Variants in PACSIN3 observed in about 807,000 individuals in gnomAD.
PACSIN3 encodes protein kinase C and casein kinase substrate in neurons protein 3.
A neutral mutation model predicts 56.1 loss-of-function variants in PACSIN3; 34 were observed. The observed-to-expected ratio is 0.61, with a 90% confidence interval of 0.46 to 0.81. The LOEUF is 0.81. PACSIN3 is among the 30% of genes least tolerant of loss of function. The pLI is 0.00. For missense variants in PACSIN3, 535 were observed against 592.4 expected (o/e 0.90, Z 1.01); for synonymous variants, 218 against 229.8 (o/e 0.95, Z 0.46).
rs1020429247 is a variant in PACSIN3, at chr11:47,177,942, C to A, written c.1264G>T (p.Val422Leu). 1 of 1,613,504 alleles carries A rather than the reference C, an allele frequency of 6.2e-7. No homozygotes were observed. Among genetic ancestry groups the A allele is most frequent in the African/African-American group, 1.3e-5 (1 of 74,928 alleles). Residue 422 changes from valine (V) to leucine (L), a missense_variant, in exon 11 of 11, where the codon GTG (valine) becomes TTG (leucine). Transcript: ENST00000298838. ...GLYPANYVEC[V>L]GA ...GGCTGTCAGGACACTCAGGCGCCCA[C>A]ACACTCCACGTAGTTGGCAGGGTAC...
At chr11:47,180,805 G>T (rs1953009075) in intron 4 of PACSIN3, 115 bp from the exon 5 acceptor site, 1 of 737,810 alleles carries the variant, frequency 1.4e-6, no homozygotes, top group Non-Finnish European at 2.2e-6. Flanking sequence ...GTGCAAAGGT[G>T]AATGACAACC....
Position 47,179,628 on chromosome 11 carries a change from T to G in PACSIN3, c.604-42A>C. ...GGGCCTGGTGAGAACCAGACCTTCT[T>G]CCACCCAGGACTCCACCAGTGTTTA... is the stretch of plus-strand genomic sequence containing the variant. On this transcript the variant is annotated intron_variant, in intron 6 of 10. Coordinates refer to ENST00000298838, the MANE Select transcript of PACSIN3 (RefSeq NM_016223.5). This position sits in a 1 kb window ranked among gnomAD's most constrained non-coding sequence, Gnocchi z 4.4. The G allele has an allele frequency of 1.3e-6, 2 of 1,591,036 alleles. No individual in the cohort carries two copies. Among genetic ancestry groups the G allele is most frequent in the Non-Finnish European group, 1.7e-6 (2 of 1,168,870 alleles).
Position 47,179,773 on chromosome 11 carries a change from G to A in PACSIN3, c.604-187C>T, listed in dbSNP as rs1374413558. On this transcript the variant is annotated intron_variant, in intron 6 of 10. Transcript: ENST00000298838. The surrounding 1 kb of genome is among the most constrained non-coding windows in gnomAD (Gnocchi z 4.4). ...AACAAGGGAGGTGACATCAGGCACA[G>A]CATATAAAAGAGTCTGGTGAGGATT... 2 of 597,552 alleles carry A rather than the reference G, an allele frequency of 3.3e-6. No individual in the cohort carries two copies. The highest frequency in any genetic ancestry group is 6.0e-5 in the Admixed American group (2 of 33,266). 37.0% of individuals were successfully genotyped at this position (597,552 alleles called of 1,614,324 possible).
chr11:47,180,450 C>T lies in PACSIN3; in HGVS notation c.447+5G>A, dbSNP rs1417634109. On this transcript the variant is annotated splice_donor_5th_base_variant and intron_variant, in intron 5 of 10. Coordinates refer to ENST00000298838, the MANE Select transcript of PACSIN3 (RefSeq NM_016223.5). ...GTCTCGGATACCTCCCCCACCCAGC[C>T]TCACCTCCTTCAGCCTCTTCAGCCA... The T allele has an allele frequency of 1.3e-6, 2 of 1,596,028 alleles. No individual in the cohort carries two copies. The highest frequency in any genetic ancestry group is 1.3e-5 in the African/African-American group (1 of 74,710).
chr11:47,180,240 C>G lies in PACSIN3; in HGVS notation c.549G>C (p.Glu183Asp). ...CCCGTTCCTGCAGTTTGCGCAGCTG[C>G]TCCTGGGAGACGGCGCTGTCTGCCT... ...HAKADSAVSQEQLRKLQERVE... is the reference protein window; with the variant it reads ...HAKADSAVSQDQLRKLQERVE... The change falls in exon 6 of 11, where the codon GAG (glutamate) becomes GAC (aspartate). Residue 183 changes from glutamate to aspartate, a missense_variant. Glu to Asp is a conservative substitution (Grantham distance 45). Transcript: ENST00000298838. 1 of 1,603,880 alleles carries G rather than the reference C, an allele frequency of 6.2e-7. No individual in the cohort carries two copies.
intron 4 of PACSIN3, among the ~76,000 whole-genome samples, chr11:47,181,440 G>A (rs1052509426): frequency 6.6e-6 from 1 of 152,210 alleles, no homozygotes; most frequent in Non-Finnish European, 1.5e-5. Flanking sequence ...CTTCCTAGCT[G>A]TGTGCCTTTA....
intron 4 of PACSIN3, among the ~76,000 whole-genome samples, chr11:47,182,196 A>C (rs932618879): frequency 6.6e-6 from 1 of 152,040 alleles, no homozygotes; most frequent in African/African-American, 2.4e-5. Flanking sequence ...CCATCTCCAC[A>C]GGGTTGTTGC....
intron 1 of PACSIN3, chr11:47,184,590 T>C (rs1297977660): frequency 6.6e-6 from 1 of 152,214 alleles, no homozygotes; most frequent in East Asian, 1.9e-4. Context: ...TGGGAATGCT[T>C]GGTCCAAGTG....
chr11:47,180,885 G>A (rs747430762), intron 4 of PACSIN3, among the ~76,000 whole-genome samples, 195 bp from the exon 5 acceptor site: 9 of 152,368 alleles, frequency 5.9e-5, no homozygotes, highest in East Asian at 3.9e-4. Context: ...AGCCACCATC[G>A]TGAGGACAGC....
At chr11:47,184,110 T>G (rs1953078284) in intron 1 of PACSIN3, among the ~76,000 whole-genome samples, 1 of 151,782 alleles carries the variant, frequency 6.6e-6, no homozygotes. Flanking sequence ...CACAGTGGCA[T>G]GTGGCTGCTC....
At chr11:47,181,172 A>G (rs940561991) in intron 4 of PACSIN3, among the ~76,000 whole-genome samples, 1 of 151,858 alleles carries the variant, frequency 6.6e-6, no homozygotes, top group Non-Finnish European at 1.5e-5. Flanking sequence ...TGAGACAGGA[A>G]AATCACTTGA....
In PACSIN3 at chr11:47,178,742, C is replaced by T. The variant is rs1952949316; in HGVS notation, c.1037+152G>A. 3.4e-6 allele frequency: 3 copies of T among 880,760 alleles called. No homozygotes were observed. The East Asian group carries it at 7.9e-5, about 23-fold the overall frequency. 54.6% of individuals were successfully genotyped at this position (880,760 alleles called of 1,614,324 possible). A position where few individuals can be genotyped will look rare whatever the true frequency, so the allele number is the denominator to read the frequency against. ...CAGCAAATCTAAACCACTATGAGAA[C>T]CAGTATCATTACAACTACTAAGTAG... is the stretch of plus-strand genomic sequence containing the variant. On this transcript the variant is annotated intron_variant, in intron 9 of 10. Coordinates refer to ENST00000298838, the MANE Select transcript of PACSIN3 (RefSeq NM_016223.5). This position sits in a 1 kb window ranked among gnomAD's most constrained non-coding sequence, Gnocchi z 4.2.
rs768541121 is a variant in PACSIN3 at position 47,182,743 on chromosome 11, C to T, written c.-16G>A. Reference sequence around the variant, plus strand: ...CTGGAGCCATGGTGTCCCCGCAGCACGGAATGGTGGCGGATTTGGGGCTGT... The same window carrying T: ...CTGGAGCCATGGTGTCCCCGCAGCATGGAATGGTGGCGGATTTGGGGCTGT... On this transcript the variant is annotated 5_prime_UTR_variant, in exon 3 of 11. The change creates a new upstream start codon in the 5' untranslated region. Coordinates refer to ENST00000298838, the MANE Select transcript of PACSIN3 (RefSeq NM_016223.5). 2.8e-5 allele frequency: 45 copies of T among 1,607,642 alleles called. No individual in the cohort carries two copies. The highest frequency in any genetic ancestry group is 1.6e-4 in the African/African-American group (12 of 74,610).
Position 47,182,277 on chromosome 11 carries a change from G to A in PACSIN3, c.211+126C>T, listed in dbSNP as rs1953040165. On this transcript the variant is annotated intron_variant, in intron 4 of 10. Coordinates refer to ENST00000298838, the MANE Select transcript of PACSIN3 (RefSeq NM_016223.5). ...ACCACAGCCATGAGGATGACCAGGA[G>A]GATCTTCCCTTTCTAAGGGAGGGTA... 16 of 873,106 alleles carry A rather than the reference G, an allele frequency of 1.8e-5. No individual in the cohort carries two copies. In the East Asian group the frequency reaches 4.1e-4, roughly 22 times the overall value. 54.1% of individuals were successfully genotyped at this position (873,106 alleles called of 1,614,324 possible). A position where few individuals can be genotyped will look rare whatever the true frequency, so the allele number is the denominator to read the frequency against.
chr11:47,178,528 A>G lies in PACSIN3; in HGVS notation c.1038-41T>C, dbSNP rs201969126. On this transcript the variant is annotated intron_variant, in intron 9 of 10. Transcript: ENST00000298838. The surrounding 1 kb of genome is among the most constrained non-coding windows in gnomAD (Gnocchi z 4.2). Reference sequence around the variant, plus strand: ...AAAGGGAGCAGCTCAGAGTGCAAGGAACACGGGGCTGGAGATCTCACCCAG... The same window carrying G: ...AAAGGGAGCAGCTCAGAGTGCAAGGGACACGGGGCTGGAGATCTCACCCAG... The G allele has an allele frequency of 6.8e-5, 109 of 1,601,708 alleles. No homozygotes were observed. The highest frequency in any genetic ancestry group is 9.1e-5 in the Non-Finnish European group (107 of 1,172,834).
rs1952974836 is a variant in PACSIN3 at position 47,179,542 on chromosome 11, G to A, written c.648C>T (p.Tyr216=). The change falls in exon 7 of 11, where the codon TAC becomes TAT. Residue 216 remains tyrosine, a synonymous_variant. Coordinates refer to ENST00000298838, the MANE Select transcript of PACSIN3 (RefSeq NM_016223.5). This position sits in a 1 kb window ranked among gnomAD's most constrained non-coding sequence, Gnocchi z 4.4. The part of the protein sequence containing the change: ...YEQTLAELHR[Y]TPRYMEDMEQ... ...CCATGTCCTCCATGTAGCGTGGAGT[G>A]TAGCGATGCAGCTCTGCCAGCGTCT... The A allele has an allele frequency of 8.1e-6, 13 of 1,613,798 alleles. No individual in the cohort carries two copies. Among genetic ancestry groups the A allele is most frequent in the African/African-American group, 1.3e-5 (1 of 74,948 alleles).
intron 1 of PACSIN3, chr11:47,185,641 C>T (rs1366417505): frequency 6.6e-6 from 1 of 152,576 alleles, no homozygotes; most frequent in Non-Finnish European, 1.5e-5. Flanking sequence ...GGAAACCCGA[C>T]CTGCCGGCCG....
At chr11:47,183,927 C>T (rs973721046) in intron 1 of PACSIN3, among the ~76,000 whole-genome samples, 2 of 151,604 alleles carry the variant, frequency 1.3e-5, no homozygotes, top group African/African-American at 4.8e-5. Flanking sequence ...GAGGCTGAGG[C>T]ATGAGAATCA....
chr11:47,186,411 G>C lies in PACSIN3; in HGVS notation c.-166C>G, dbSNP rs1953121657. The C allele has an allele frequency of 2.0e-5, 3 of 151,086 alleles. No homozygotes were observed. Among genetic ancestry groups the C allele is most frequent in the African/African-American group, 7.3e-5 (3 of 41,274 alleles). 9.4% of individuals were successfully genotyped at this position (151,086 alleles called of 1,614,324 possible). ...GCCACGCTCCGGCCCGAGTCCTGCC[G>C]CTCCTGGGCCCGCGCCGCGGCCTCC... On this transcript the variant is annotated 5_prime_UTR_variant, in exon 1 of 11. Transcript: ENST00000298838. The surrounding 1 kb of genome is among the most constrained non-coding windows in gnomAD (Gnocchi z 4.5).
Sources: allele counts gnomAD v4.1 joint callset (sites outside exome capture counted in the v4.1 genomes callset), GRCh38; gene constraint gnomAD v4.1.1; non-coding constraint Gnocchi (gnomAD v3.1); transcripts MANE v1.5; gene names NCBI Gene and HGNC (gene_info 2026-07-23, HGNC 2026-07-21).